Variants in TUB observed in about 807,000 individuals in gnomAD.
TUB encodes TUB bipartite transcription factor.
Under a neutral mutation model 59.7 loss-of-function variants are expected in TUB, and 33 were observed. The ratio of observed to expected loss-of-function variants is 0.55; its 90% CI spans 0.42 to 0.74. TUB has a LOEUF of 0.74. TUB is among the 30% of genes least tolerant of loss of function. The pLI is 0.00. For synonymous variants in TUB, 293 were observed against 256.4 expected (o/e 1.14, Z -1.36); for missense variants, 659 against 672.0 (o/e 0.98, Z 0.21).
chr11:8,048,200 T>C (rs1016825702), intron 2 of TUB, among the ~76,000 whole-genome samples: 4 of 152,216 alleles, frequency 2.6e-5, no homozygotes, highest in African/African-American at 7.2e-5. Flanking sequence ...AGGTGAGTAC[T>C]GTTATCATTC....
intron 2 of TUB, among the ~76,000 whole-genome samples, chr11:8,043,188 C>T (rs912157265): frequency 6.6e-6 from 1 of 152,084 alleles, no homozygotes; most frequent in African/African-American, 2.4e-5. Flanking sequence ...GTGAAAAAAC[C>T]ATTTTACCTC....
At chr11:8,019,821 G>A (rs1433786851) in intron 1 of TUB, among the ~76,000 whole-genome samples, 1 of 151,964 alleles carries the variant, frequency 6.6e-6, no homozygotes, top group Non-Finnish European at 1.5e-5. Context: ...GGCTGGCCCC[G>A]GGCGGAGTGT....
chr11:8,088,561 C>T (rs1406659871), intron 1 of TUB, among the ~76,000 whole-genome samples: 1 of 152,236 alleles, frequency 6.6e-6, no homozygotes, highest in South Asian at 2.1e-4. Flanking sequence ...CACTCGGGCA[C>T]GCCTGTGCAG....
At chr11:8,052,183 T>C (rs532045708) in intron 2 of TUB, among the ~76,000 whole-genome samples, 17 of 152,316 alleles carry the variant, frequency 1.1e-4, no homozygotes, top group Non-Finnish European at 2.2e-4. Flanking sequence ...AACTGGCTTA[T>C]TTCTCCAGAT....
chr11:8,092,404 A>T (rs1943806679), intron 3 of TUB, among the ~76,000 whole-genome samples: 1 of 152,160 alleles, frequency 6.6e-6, no homozygotes, highest in Non-Finnish European at 1.5e-5. Flanking sequence ...AAGAAAAAAA[A>T]AAGAAAAAGA....
chr11:8,101,879 C>T lies in TUB; in HGVS notation c.*260C>T. 2 of 519,396 alleles carry T rather than the reference C, an allele frequency of 3.9e-6. No homozygotes were observed. 32.2% of individuals were successfully genotyped at this position (519,396 alleles called of 1,614,324 possible). ...ATGCCACGAGATCAACACACACTCC[C>T]ACCCTTGGGGTAGTAGTGTGTTGTA... On this transcript the variant is annotated 3_prime_UTR_variant, in exon 12 of 12. Transcript: ENST00000299506.
At chr11:8,075,030 C>T (rs958383290) in intron 2 of TUB, among the ~76,000 whole-genome samples, 12 of 151,990 alleles carry the variant, frequency 7.9e-5, no homozygotes, top group African/African-American at 2.9e-4. Context: ...CAGGCAGGAG[C>T]CACTGTGCCA....
At chr11:8,066,284 A>G (rs2133786485) in intron 2 of TUB, among the ~76,000 whole-genome samples, 2 of 152,328 alleles carry the variant, frequency 1.3e-5, no homozygotes, top group Middle Eastern at 3.4e-3. Flanking sequence ...TTTCCCCTGC[A>G]GGAGCGTTAC....
At chr11:8,054,064 G>A (rs530321311) in intron 2 of TUB, among the ~76,000 whole-genome samples, 49 of 151,332 alleles carry the variant, frequency 3.2e-4, no homozygotes, top group African/African-American at 9.7e-4. Context: ...GCAGTGAGCC[G>A]AGATCTCACC....
intron 1 of TUB, among the ~76,000 whole-genome samples, chr11:8,084,689 G>A (rs981917712): frequency 1.3e-5 from 2 of 152,160 alleles, no homozygotes; most frequent in Non-Finnish European, 2.9e-5. Flanking sequence ...CAGACAAGAC[G>A]TCCACTTCTT....
intron 2 of TUB, among the ~76,000 whole-genome samples, chr11:8,072,114 G>T (rs1943370450): frequency 6.6e-6 from 1 of 152,214 alleles, no homozygotes; most frequent in Admixed American, 6.5e-5. Flanking sequence ...GGTGGGCTGT[G>T]ATCGGACCAG....
At position 8,100,836 on chromosome 11, in the gene TUB, C is replaced by G. The variant is rs1944261496; in HGVS notation, c.1226C>G (p.Thr409Arg). Residue 409 changes from threonine (T) to arginine (R), a missense_variant, in exon 11 of 12, where the codon ACA (threonine) becomes AGA (arginine). By Grantham distance (71) the Thr-to-Arg change is moderately conservative. This residue lies in a region of TUB where 226 missense variants were observed against 210.8 expected (regional missense o/e 1.07). Transcript: ENST00000299506. The stretch of plus-strand genomic sequence containing the variant: ...AGGCTGCCCTCCCAGGAGCATGAGA[C>G]ACTGCTAGCACGCTGGCAGAATAAG... ...VSIRPRNEHETLLARWQNKNT... is the reference protein window; with the variant it reads ...VSIRPRNEHERLLARWQNKNT... The G allele has an allele frequency of 1.2e-6, 2 of 1,614,048 alleles. No individual in the cohort carries two copies. The highest frequency in any genetic ancestry group is 1.7e-6 in the Non-Finnish European group (2 of 1,179,942).
At chr11:8,043,166 C>T (rs373650978) in intron 2 of TUB, among the ~76,000 whole-genome samples, 55 of 152,218 alleles carry the variant, frequency 3.6e-4, no homozygotes, top group African/African-American at 1.3e-3. Flanking sequence ...TCAGTTGTCC[C>T]AGCACCATTT....
Position 8,090,157 on chromosome 11 carries a change from G to A in TUB, c.179G>A (p.Arg60Gln), listed in dbSNP as rs138582478. The change falls in exon 3 of 12, where the codon CGG becomes CAG. Residue 60 changes from arginine (R) to glutamine (Q), a missense_variant. Transcript: ENST00000299506. The stretch of plus-strand genomic sequence containing the variant: ...GCAGATGGGCGGCCCCGGAGCCGGC[G>A]GGCCCGGCAGTCAGAGGAACAAGCC... Reference protein sequence around the residue: ...ANADGRPRSRRARQSEEQAPL... With the variant: ...ANADGRPRSRQARQSEEQAPL... The A allele has an allele frequency of 1.1e-5, 18 of 1,613,578 alleles. No homozygotes were observed. Among genetic ancestry groups the A allele is most frequent in the Admixed American group, 1.7e-5 (1 of 60,024 alleles).
intron 1 of TUB, among the ~76,000 whole-genome samples, chr11:8,029,017 C>A (rs556740333): frequency 6.6e-6 from 1 of 151,976 alleles, no homozygotes; most frequent in Non-Finnish European, 1.5e-5. Flanking sequence ...TCTCAAGAAA[C>A]AAAAACAAAA....
In TUB at chr11:8,102,263, C is replaced by A. The variant is rs1944340323; in HGVS notation, c.*644C>A. ...CCTGGCTTGCTGTGGCTATGGGAAT[C>A]AGCTGGTGGCTAGGTTTCTAGCGCA... On this transcript the variant is annotated 3_prime_UTR_variant, in exon 12 of 12. Transcript: ENST00000299506. 6.6e-6 allele frequency: 1 copy of A among 152,192 alleles called. No individual in the cohort carries two copies. The highest frequency in any genetic ancestry group is 1.5e-5 in the Non-Finnish European group (1 of 68,084). 9.4% of individuals were successfully genotyped at this position (152,192 alleles called of 1,614,324 possible). A position where few individuals can be genotyped will look rare whatever the true frequency, so the allele number is the denominator to read the frequency against.
chr11:8,037,819 G>A (rs941383842), upstream of TUB, among the ~76,000 whole-genome samples: 1 of 152,328 alleles, frequency 6.6e-6, no homozygotes, highest in Admixed American at 6.5e-5. Flanking sequence ...AAGGGTTTAA[G>A]TAGGCTGGGA....
chr11:8,032,689 C>CA (rs973978494), intron 1 of TUB, among the ~76,000 whole-genome samples: 61 of 47,154 alleles, frequency 1.3e-3, no homozygotes, highest in African/African-American at 2.6e-3. Context: ...GCACCTCCCG[C>CA]ACATCTGGCT....
At chr11:8,075,355 T>A (rs1943432514) in intron 2 of TUB, among the ~76,000 whole-genome samples, 1 of 152,236 alleles carries the variant, frequency 6.6e-6, no homozygotes, top group Non-Finnish European at 1.5e-5. Context: ...TCTGCCTGAA[T>A]CTGAATTTGA....
Sources: allele counts gnomAD v4.1 joint callset (sites outside exome capture counted in the v4.1 genomes callset), GRCh38; gene constraint gnomAD v4.1.1; regional missense constraint gnomAD v4.1.1; transcripts MANE v1.5; gene names NCBI Gene and HGNC (gene_info 2026-07-23, HGNC 2026-07-21).